EBF3: variants seen among roughly 807,000 people sequenced by gnomAD.
EBF3 encodes the protein EBF transcription factor 3.
EBF3 carries 18 observed loss-of-function variants against 77.1 expected under a neutral mutation model. The observed-to-expected ratio is 0.23, with a 90% CI of 0.16 to 0.35. The LOEUF (loss-of-function observed/expected upper bound fraction) is 0.35, where lower values mean the gene tolerates loss of function less well. Among genes scored for constraint, EBF3 ranks in the 10% least tolerant of loss-of-function variants. The probability of loss-of-function intolerance (pLI) is 1.00; values close to 1 mark genes in which losing one functional copy is unlikely to be tolerated. For synonymous variants in EBF3, 350 were observed against 343.5 expected, an observed-to-expected ratio of 1.02 and a Z score of -0.21; for missense variants, 558 against 860.0, an observed-to-expected ratio of 0.65 and a Z score of 4.39.
At position 129,943,905 on chromosome 10, in the gene EBF3, T is replaced by TA. The variant is rs1729585847; in HGVS notation, c.554+13352dup. Among the ~76,000 whole-genome samples the TA allele has an allele frequency of 6.6e-6, 1 of 152,192 alleles. No homozygotes were observed. The highest frequency in any genetic ancestry group is 6.5e-5 in the Admixed American group (1 of 15,278). ...TTCGGCGCAGACCCAGCTGAAACCG[T>TA]AAAATGCTCGGTAAAACCAGTCGCT... On this transcript the variant is annotated intron_variant, in intron 6 of 16. Coordinates refer to ENST00000440978, the MANE Select transcript of EBF3 (RefSeq NM_001375380.1). The surrounding 1 kb of genome is among the most constrained non-coding windows in gnomAD (Gnocchi z 8.8).
intron 6 of EBF3, among the ~76,000 whole-genome samples, chr10:129,908,824 CATTTTTTTAGGATGCG>C (rs1855322181): frequency 6.6e-6 from 1 of 152,204 alleles, no homozygotes; most frequent in African/African-American, 2.4e-5. Context: ...GCAAGGCCAC[CATTTTTTTAGGATGCG>C]AGTGATCCAG....
At chr10:129,918,790 G>T (rs1201416608) in intron 6 of EBF3, among the ~76,000 whole-genome samples, 1 of 152,254 alleles carries the variant, frequency 6.6e-6, no homozygotes, top group Non-Finnish European at 1.5e-5. Flanking sequence ...AACGGCAGGG[G>T]TGGAATCAGG....
rs2134136296 is a variant in EBF3 at position 129,879,000 on chromosome 10, C to A, written c.555-1151G>T. ...TATTTCCATTTCCCGCCATGCCTTG[C>A]CCTTATGTTTCATGGCATGAAGATT... On this transcript the variant is annotated intron_variant, in intron 6 of 16. Transcript: ENST00000440978. Among the ~76,000 whole-genome samples, 2 of 152,194 alleles carry A rather than the reference C, an allele frequency of 1.3e-5. 1 individual carries two copies. Among genetic ancestry groups the A allele is most frequent in the South Asian group, 4.1e-4 (2 of 4,822 alleles).
intron 6 of EBF3, among the ~76,000 whole-genome samples, chr10:129,903,039 C>T (rs1380477269): frequency 6.6e-6 from 1 of 152,240 alleles, no homozygotes; most frequent in African/African-American, 2.4e-5. Flanking sequence ...GCCTACAAGA[C>T]ACAGAAGCAA....
At chr10:129,937,695 T>C (rs1564907344) in intron 6 of EBF3, among the ~76,000 whole-genome samples, 1 of 145,442 alleles carries the variant, frequency 6.9e-6, no homozygotes, top group Non-Finnish European at 1.6e-5. Flanking sequence ...CACATCTGTG[T>C]TCCTCACTGA....
chr10:129,913,919 C>T (rs1855694533), intron 6 of EBF3, among the ~76,000 whole-genome samples: 1 of 152,262 alleles, frequency 6.6e-6, no homozygotes, highest in African/African-American at 2.4e-5. Context: ...ATTCACTCAT[C>T]TCGCTTCTCA....
chr10:129,869,953 T>C (rs1285745551), intron 8 of EBF3, among the ~76,000 whole-genome samples: 1 of 151,466 alleles, frequency 6.6e-6, no homozygotes, highest in Non-Finnish European at 1.5e-5. Context: ...TCCAAGGGGG[T>C]GACCTTCATC....
chr10:129,886,432 T>C (rs1326675833), intron 6 of EBF3, among the ~76,000 whole-genome samples: 1 of 152,172 alleles, frequency 6.6e-6, no homozygotes, highest in Non-Finnish European at 1.5e-5. Flanking sequence ...GAGAAATGTG[T>C]GTACAGGTCA....
intron 6 of EBF3, among the ~76,000 whole-genome samples, chr10:129,882,583 A>G (rs1244117508): frequency 6.6e-6 from 1 of 152,250 alleles, no homozygotes; most frequent in East Asian, 1.9e-4. Flanking sequence ...TAAAGGGGAT[A>G]TTAGCATAGC....
rs535266860 is a variant in EBF3, at chr10:129,943,339, C to CA, written c.554+13918dup. On this transcript the variant is annotated intron_variant, in intron 6 of 16. Transcript: ENST00000440978. The surrounding 1 kb of genome is among the most constrained non-coding windows in gnomAD (Gnocchi z 8.8). Reference sequence around the variant, plus strand: ...GAAGCAAATTGGATTTGCCCTATCACAAAAAAAATTAATTCCAGATTGTAG... The same window carrying CA: ...GAAGCAAATTGGATTTGCCCTATCACAAAAAAAAATTAATTCCAGATTGTAG... 7.1e-3 allele frequency among the ~76,000 whole-genome samples: 1,084 copies of CA among 152,152 alleles called. 45 individuals are homozygous for CA. In the South Asian group the frequency reaches 0.11, roughly 15 times the overall value.
At chr10:129,878,719 G>T (rs561370163) in intron 6 of EBF3, among the ~76,000 whole-genome samples, 25 of 148,970 alleles carry the variant, frequency 1.7e-4, no homozygotes, top group African/African-American at 5.2e-4. Flanking sequence ...AAAGCAATTG[G>T]GGGGTGGGGC....
chr10:129,923,886 C>T (rs779149005), intron 6 of EBF3, among the ~76,000 whole-genome samples: 5 of 152,140 alleles, frequency 3.3e-5, no homozygotes, highest in Non-Finnish European at 5.9e-5. Context: ...ACTTGCAAAC[C>T]AAGTATCTAT....
At chr10:129,949,039 C>A (rs1858458328) in intron 6 of EBF3, among the ~76,000 whole-genome samples, 1 of 152,252 alleles carries the variant, frequency 6.6e-6, no homozygotes, top group East Asian at 1.9e-4. Flanking sequence ...TGGCTCATGC[C>A]TGTAATCCCA....
intron 6 of EBF3, among the ~76,000 whole-genome samples, chr10:129,891,389 C>G (rs1854007981): frequency 6.6e-6 from 1 of 152,174 alleles, no homozygotes; most frequent in South Asian, 2.1e-4. Flanking sequence ...CCCGTGCATG[C>G]AGGAAATTGG....
intron 6 of EBF3, among the ~76,000 whole-genome samples, chr10:129,949,283 C>G (rs7076124): frequency 0.18 from 27,664 of 152,126 alleles, 2,717 homozygotes; most frequent in East Asian, 0.25. Context: ...CTTGGGGCAA[C>G]AAGAGCAAAA....
At chr10:129,856,927 TA>T (rs1313483443) in intron 10 of EBF3, among the ~76,000 whole-genome samples, 41 of 152,314 alleles carry the variant, frequency 2.7e-4, no homozygotes, top group African/African-American at 9.4e-4. Flanking sequence ...ACTAAGGAAA[TA>T]TCTTCCAGGG....
At chr10:129,913,804 A>G (rs1449895830) in intron 6 of EBF3, among the ~76,000 whole-genome samples, 2 of 152,230 alleles carry the variant, frequency 1.3e-5, no homozygotes, top group Admixed American at 6.5e-5. Context: ...AACCCTGCAC[A>G]CAGGCAGGAC....
At chr10:129,865,742 G>A (rs974823064) in intron 10 of EBF3, among the ~76,000 whole-genome samples, 3 of 152,246 alleles carry the variant, frequency 2.0e-5, no homozygotes, top group African/African-American at 7.2e-5. Context: ...TCCTAAGAAG[G>A]GAAGAGGCTG....
At chr10:129,937,064 G>A (rs1254535709) in intron 6 of EBF3, among the ~76,000 whole-genome samples, 1 of 152,204 alleles carries the variant, frequency 6.6e-6, no homozygotes, top group Non-Finnish European at 1.5e-5. Flanking sequence ...CTTCATTCGG[G>A]CCCCAAGGGC....
Sources: allele counts gnomAD v4.1 joint callset (sites outside exome capture counted in the v4.1 genomes callset), GRCh38; gene constraint gnomAD v4.1.1; non-coding constraint Gnocchi (gnomAD v3.1); transcripts MANE v1.5; gene names NCBI Gene and HGNC (gene_info 2026-07-23, HGNC 2026-07-21).